PCYT2: variants seen among roughly 807,000 people sequenced by gnomAD.
The protein encoded by PCYT2 is phosphate cytidylyltransferase 2, ethanolamine, also known as ethanolamine-phosphate cytidylyltransferase.
A neutral mutation model predicts 50.0 loss-of-function variants in PCYT2; 33 were observed. The observed-to-expected ratio is 0.66, with a 90% CI of 0.50 to 0.88. The LOEUF (loss-of-function observed/expected upper bound fraction) is 0.88. Among genes scored for constraint, PCYT2 ranks in the 40% least tolerant of loss-of-function variants. The pLI is 0.00. For synonymous variants in PCYT2, 240 were observed against 203.7 expected (o/e 1.18, Z -1.52); for missense variants, 430 against 519.7 (o/e 0.83, Z 1.68).
Position 81,905,062 on chromosome 17 carries a change from G to A in PCYT2, c.1058+4C>T, listed in dbSNP as rs756660391. 5.6e-6 allele frequency: 9 copies of A among 1,611,700 alleles called. No individual in the cohort carries two copies. Among genetic ancestry groups the A allele is most frequent in the Non-Finnish European group, 7.6e-6 (9 of 1,178,804 alleles). Reference sequence around the variant, plus strand: ...GGCTCCGAGGTGCCCCCACCCAACTGCACCTGTTGGTGATGATCCGCTGGA... The same window carrying A: ...GGCTCCGAGGTGCCCCCACCCAACTACACCTGTTGGTGATGATCCGCTGGA... On this transcript the variant is annotated splice_donor_region_variant and intron_variant, in intron 12 of 12. Coordinates refer to ENST00000538936, the MANE Select transcript of PCYT2 (RefSeq NM_002861.5).
In PCYT2 at chr17:81,902,963, C is replaced by T. The variant is rs2040022305; in HGVS notation, c.*1870G>A. The T allele has an allele frequency of 5.8e-6, 3 of 519,714 alleles. No homozygotes were observed. The highest frequency in any genetic ancestry group is 3.4e-5 in the East Asian group (1 of 29,072). 32.2% of individuals were successfully genotyped at this position (519,714 alleles called of 1,614,324 possible). ...ACGAGGGGAACGGGACCTGGAAATC[C>T]CCAAGCCTGGGTATGAGAAGGCAGC... On this transcript the variant is annotated 3_prime_UTR_variant, in exon 13 of 13. Coordinates refer to ENST00000538936, the MANE Select transcript of PCYT2 (RefSeq NM_002861.5).
intron 4 of PCYT2, among the ~76,000 whole-genome samples, chr17:81,908,250 C>T (rs1422344391): frequency 6.6e-6 from 1 of 152,224 alleles, no homozygotes; most frequent in Non-Finnish European, 1.5e-5. Flanking sequence ...GGCCTCATGT[C>T]CCTGACGTCT....
At position 81,906,790 on chromosome 17, in the gene PCYT2, T is replaced by A. The variant is rs761479190; in HGVS notation, c.646A>T (p.Ile216Phe). The change falls in exon 7 of 13, where the codon ATC (isoleucine) becomes TTC (phenylalanine). Residue 216 changes from isoleucine (I) to phenylalanine (F), a missense_variant. Transcript: ENST00000538936. ...GKEPQPGETV[I>F]YVAGAFDLFH... ...AGGTCGAAGGCACCAGCCACATAGA[T>A]GACTGTCTCCCCTGGCTGGGGCTCC... 1 of 1,613,442 alleles carries A rather than the reference T, an allele frequency of 6.2e-7. No individual in the cohort carries two copies. Among genetic ancestry groups the A allele is most frequent in the South Asian group, 1.1e-5 (1 of 91,086 alleles).
At chr17:81,909,482 G>A (rs748924249) in intron 2 of PCYT2, 32 bp downstream of exon 2, 4 of 1,586,462 alleles carry the variant, frequency 2.5e-6, no homozygotes, top group Non-Finnish European at 3.5e-6. Context: ...AGGGCTGGGG[G>A]GCCGCGGGTG....
chr17:81,907,138 A>G (rs1032502287), intron 6 of PCYT2: 2 of 1,332,750 alleles, frequency 1.5e-6, no homozygotes, highest in Non-Finnish European at 2.0e-6. Context: ...GGAGGCAAGG[A>G]GCCCTGTGGC....
chr17:81,904,782 A>G lies in PCYT2; in HGVS notation c.*51T>C. ...CCTGCAGAGTCCTATGTCCAAACGC[A>G]GAAGGCGCAGAAGCAGAGCAGGGGG... On this transcript the variant is annotated 3_prime_UTR_variant, in exon 13 of 13. Transcript: ENST00000538936. 7.8e-7 allele frequency: 1 copy of G among 1,279,000 alleles called. No homozygotes were observed. The allele number at this position is 1,279,000 out of a possible 1,614,324, so 79.2% of individuals were successfully genotyped here.
chr17:81,909,451 T>G, intron 2 of PCYT2, 63 bp downstream of exon 2: 1 of 1,535,444 alleles, frequency 6.5e-7, no homozygotes, highest in Non-Finnish European at 9.0e-7. Context: ...AGGCTTTCAG[T>G]CAACAGTCGC....
chr17:81,904,961 A>C lies in PCYT2; in HGVS notation c.1059-17T>G, dbSNP rs1299860332. 6.2e-7 allele frequency: 1 copy of C among 1,606,064 alleles called. No individual in the cohort carries two copies. The highest frequency in any genetic ancestry group is 1.3e-5 in the African/African-American group (1 of 74,754). ...TACTCCAACCTGAGAGGGCAGGGTA[A>C]GTCTAGCAGAGAGCGCCCATGAGGC... On this transcript the variant is annotated splice_polypyrimidine_tract_variant and intron_variant, in intron 12 of 12. Transcript: ENST00000538936.
At chr17:81,907,696 G>C (rs2040351861) in intron 5 of PCYT2, 77 bp downstream of exon 5, 1 of 1,594,252 alleles carries the variant, frequency 6.3e-7, no homozygotes, top group Non-Finnish European at 8.6e-7. Flanking sequence ...GGAGGACCCT[G>C]AGAGGGCAGG....
intron 9 of PCYT2, 43 bp from the exon 10 acceptor site, chr17:81,905,778 T>A: frequency 1.3e-6 from 2 of 1,587,800 alleles, no homozygotes; most frequent in Non-Finnish European, 1.7e-6. Context: ...CGGTCCCTGC[T>A]ACTGGTAAGC....
intron 5 of PCYT2, 58 bp downstream of exon 5, chr17:81,907,715 C>T (rs1174836794): frequency 1.3e-6 from 2 of 1,596,432 alleles, no homozygotes; most frequent in Non-Finnish European, 1.7e-6. Flanking sequence ...GGGAGGTGCC[C>T]CTCCTTTCCC....
chr17:81,911,385 G>T lies in PCYT2; in HGVS notation c.-30C>A, dbSNP rs1252103499. 32 of 1,016,026 alleles carry T rather than the reference G, an allele frequency of 3.1e-5. No individual in the cohort carries two copies. Among genetic ancestry groups the T allele is most frequent in the Non-Finnish European group, 3.8e-5 (32 of 850,806 alleles). The allele number at this position is 1,016,026 out of a possible 1,614,324, so 62.9% of individuals were successfully genotyped here. ...CCGCAGCGGCGGCGCGGACAGCCTG[G>T]CAGCTCCCGGCGACTCCGAGCGCCG... On this transcript the variant is annotated 5_prime_UTR_variant, in exon 1 of 13. Coordinates refer to ENST00000538936, the MANE Select transcript of PCYT2 (RefSeq NM_002861.5).
At chr17:81,908,679 C>T (rs776731798) in intron 3 of PCYT2, 45 bp from the exon 4 acceptor site, 1 of 1,542,146 alleles carries the variant, frequency 6.5e-7, no homozygotes, top group South Asian at 1.1e-5. Flanking sequence ...CCCAAAGCCA[C>T]CAGAACCTTC....
intron 9 of PCYT2, 83 bp downstream of exon 9, chr17:81,906,017 C>T: frequency 7.9e-7 from 1 of 1,266,304 alleles, no homozygotes. Flanking sequence ...AGCCCCCCTG[C>T]CCTGGCTCAG....
At position 81,904,591 on chromosome 17, in the gene PCYT2, CGTCT is replaced by C. The variant is rs2040135454; in HGVS notation, c.*238_*241del. 1.0e-5 allele frequency: 5 copies of C among 502,334 alleles called. No individual in the cohort carries two copies. The East Asian group carries it at 1.6e-4, about 16-fold the overall frequency. 31.1% of individuals were successfully genotyped at this position (502,334 alleles called of 1,614,324 possible). Reference sequence around the variant, plus strand: ...GCGGTGCGTTTCAGGCTGCAGGTGCCGTCTGCCCGTCTCACTTCCGGCCTCTCCA... The same window carrying C: ...GCGGTGCGTTTCAGGCTGCAGGTGCCGCCCGTCTCACTTCCGGCCTCTCCA... On this transcript the variant is annotated 3_prime_UTR_variant, in exon 13 of 13. Transcript: ENST00000538936.
rs767978978 is a variant in PCYT2, at chr17:81,909,616, G to C, written c.90-14C>G. 19 of 1,599,388 alleles carry C rather than the reference G, an allele frequency of 1.2e-5. No individual in the cohort carries two copies. In the East Asian group the frequency reaches 1.8e-4, roughly 15 times the overall value. ...ACCATGTCATAGCTGTGGAGACAGA[G>C]AGAGTGGGTGGTCCCTGTGCCAAGG... On this transcript the variant is annotated splice_polypyrimidine_tract_variant and intron_variant, in intron 1 of 12. Transcript: ENST00000538936.
intron 6 of PCYT2, 182 bp from the exon 7 acceptor site, chr17:81,907,080 C>G (rs1263163920): frequency 4.8e-5 from 50 of 1,049,688 alleles, no homozygotes; most frequent in African/African-American, 6.4e-5. Flanking sequence ...ACAACCACAG[C>G]AGGCACCGCA....
chr17:81,906,867 A>G lies in PCYT2; in HGVS notation c.569T>C (p.Val190Ala). The G allele has an allele frequency of 6.2e-7, 1 of 1,613,178 alleles. No homozygotes were observed. The highest frequency in any genetic ancestry group is 8.5e-7 in the Non-Finnish European group (1 of 1,179,930). ...CPGGRNPWTG[V>A]SQFLQTSQKI... ...CTGAGATGTCTGCAGGAACTGGGATACCCCGGTCCAGGGGTTCCGCCCACC... is the reference window on the plus strand; with the variant it reads ...CTGAGATGTCTGCAGGAACTGGGATGCCCCGGTCCAGGGGTTCCGCCCACC... Residue 190 changes from valine (V) to alanine (A), a missense_variant, in exon 7 of 13, where the codon GTA (valine) becomes GCA (alanine). This residue lies in a region of PCYT2 where 248 missense variants were observed against 300.2 expected (regional missense o/e 0.83). Transcript: ENST00000538936.
intron 5 of PCYT2, 27 bp downstream of exon 5, chr17:81,907,746 G>A (rs755538984): frequency 1.9e-6 from 3 of 1,609,186 alleles, no homozygotes; most frequent in East Asian, 2.2e-5. Context: ...CGACCCAGGG[G>A]CCTCGGGGAT....
Sources: gnomAD v4.1 joint callset for allele counts (sites outside exome capture counted in the v4.1 genomes callset) on GRCh38, gnomAD v4.1.1 for gene constraint, gnomAD v4.1.1 regional missense constraint, MANE v1.5 for transcripts, NCBI Gene and HGNC (gene_info 2026-07-23, HGNC 2026-07-21) for gene names.